Variants in TRERF1 observed in about 807,000 individuals in gnomAD.
TRERF1 encodes the protein transcriptional-regulating factor 1.
TRERF1 carries 27 observed loss-of-function variants against 122.9 expected under a neutral mutation model. The observed-to-expected ratio is 0.22, with a 90% CI of 0.16 to 0.30. The LOEUF (loss-of-function observed/expected upper bound fraction) is 0.30, where lower values mean the gene tolerates loss of function less well. TRERF1 is among the 10% of genes least tolerant of loss of function. TRERF1 has a pLI of 1.00. For synonymous variants in TRERF1, 636 were observed against 641.7 expected (o/e 0.99, Z 0.13); for missense variants, 1,248 against 1,560.3 (o/e 0.80, Z 3.37).
At position 42,408,356 on chromosome 6, in the gene TRERF1, T is replaced by C. The variant is rs1161420746; in HGVS notation, c.-454+42821A>G. ...ATATACATACACGTGTGTGTGTGTGTATATATATATATATATCTTTTTTTT... is the reference window on the plus strand; with the variant it reads ...ATATACATACACGTGTGTGTGTGTGCATATATATATATATATCTTTTTTTT... On this transcript the variant is annotated intron_variant, in intron 2 of 17. Transcript: ENST00000372922. Among the ~76,000 whole-genome samples, 16 of 77,160 alleles carry C rather than the reference T, an allele frequency of 2.1e-4. 1 individual carries two copies. In the Admixed American group the frequency reaches 2.8e-3, roughly 14 times the overall value. 50.6% of individuals were successfully genotyped at this position (77,160 alleles called of 152,430 possible). A position where few individuals can be genotyped will look rare whatever the true frequency, so the allele number is the denominator to read the frequency against.
intron 3 of TRERF1, among the ~76,000 whole-genome samples, chr6:42,302,536 T>G (rs1240743287): frequency 6.6e-6 from 1 of 152,256 alleles, no homozygotes; most frequent in Non-Finnish European, 1.5e-5. Context: ...AAATGTTAAA[T>G]CATCTGCAAT....
At chr6:42,258,231 C>T in intron 9 of TRERF1, 30 bp from the exon 10 acceptor site, 2 of 1,608,364 alleles carry the variant, frequency 1.2e-6, no homozygotes, top group Non-Finnish European at 1.7e-6. Context: ...GGTCACTAGT[C>T]AACAGGGAAG....
At chr6:42,247,749 C>T (rs1413783614) in intron 13 of TRERF1, among the ~76,000 whole-genome samples, 2 of 152,156 alleles carry the variant, frequency 1.3e-5, no homozygotes, top group Admixed American at 1.3e-4. Flanking sequence ...AAGGGGACTC[C>T]TATTTCTGGA....
intron 2 of TRERF1, among the ~76,000 whole-genome samples, chr6:42,448,362 G>T (rs750543458): frequency 3.3e-4 from 50 of 152,202 alleles, no homozygotes; most frequent in Non-Finnish European, 5.4e-4. Flanking sequence ...TGTACATGCT[G>T]CACTCTCTGT....
chr6:42,392,878 A>C (rs1476100805), intron 2 of TRERF1, among the ~76,000 whole-genome samples: 2 of 151,906 alleles, frequency 1.3e-5, no homozygotes, highest in Non-Finnish European at 2.9e-5. Context: ...AGTCCTGAGA[A>C]ACGCTGGTAA....
At chr6:42,243,178 G>T in intron 15 of TRERF1, 70 bp downstream of exon 15, 1 of 1,326,626 alleles carries the variant, frequency 7.5e-7, no homozygotes, top group South Asian at 1.2e-5. Flanking sequence ...CCAAACACCA[G>T]CTACTTACTA....
In TRERF1 at chr6:42,263,043, TC is replaced by T. The variant is rs1424817262; in HGVS notation, c.1884+276del. Among the ~76,000 whole-genome samples the T allele has an allele frequency of 6.6e-6, 1 of 152,224 alleles. No individual in the cohort carries two copies. Among genetic ancestry groups the T allele is most frequent in the African/African-American group, 2.4e-5 (1 of 41,454 alleles). On this transcript the variant is annotated intron_variant, in intron 8 of 17. Transcript: ENST00000372922. This position sits in a 1 kb window ranked among gnomAD's most constrained non-coding sequence, Gnocchi z 5.6. ...TCTCTGTTTAAACCTGGGAACACTT[TC>T]GGGTCTCTCAGAATCTAACCTAGGC... is the stretch of plus-strand genomic sequence containing the variant.
At chr6:42,400,339 C>T (rs1779208212) in intron 2 of TRERF1, among the ~76,000 whole-genome samples, 1 of 152,192 alleles carries the variant, frequency 6.6e-6, no homozygotes, top group Non-Finnish European at 1.5e-5. Flanking sequence ...CATGCAAACA[C>T]ATGCCAAGAA....
chr6:42,385,467 G>GA (rs1024799128), intron 2 of TRERF1, among the ~76,000 whole-genome samples: 3 of 152,188 alleles, frequency 2.0e-5, no homozygotes, highest in African/African-American at 7.2e-5. Flanking sequence ...CAGGCAGGCA[G>GA]AACCCTTTAG....
chr6:42,389,891 GT>G, intron 2 of TRERF1, among the ~76,000 whole-genome samples: 1 of 152,334 alleles, frequency 6.6e-6, no homozygotes, highest in Middle Eastern at 3.4e-3. Context: ...TGAGAAGCTA[GT>G]TGTCTAAAGG....
chr6:42,410,607 T>C (rs1249282664), intron 2 of TRERF1, among the ~76,000 whole-genome samples: 1 of 152,182 alleles, frequency 6.6e-6, no homozygotes, highest in African/African-American at 2.4e-5. Context: ...CTCGCCTTTC[T>C]GAAGTAGAGT....
chr6:42,268,967 A>AGGCTGCTGGGGC lies in TRERF1; in HGVS notation c.612_623dup (p.Pro205_Pro208dup). 1 of 1,611,624 alleles carries AGGCTGCTGGGGC rather than the reference A, an allele frequency of 6.2e-7. No individual in the cohort carries two copies. Among genetic ancestry groups the AGGCTGCTGGGGC allele is most frequent in the Non-Finnish European group, 8.5e-7 (1 of 1,178,290 alleles). On this transcript the variant is annotated inframe_insertion, in exon 5 of 18. Transcript: ENST00000372922. This position sits in a 1 kb window ranked among gnomAD's most constrained non-coding sequence, Gnocchi z 4.4. ...ACAGCCCACCAGTGAAACCAGGGTG[A>AGGCTGCTGGGGC]GGCTGCTGGGGCACCTGCTGGTAGC...
In TRERF1 at chr6:42,393,491, A is replaced by T. The variant is rs529364489; in HGVS notation, c.-453-30412T>A. Among the ~76,000 whole-genome samples, 1 of 152,336 alleles carries T rather than the reference A, an allele frequency of 6.6e-6. No individual in the cohort carries two copies. Among genetic ancestry groups the T allele is most frequent in the Admixed American group, 6.5e-5 (1 of 15,302 alleles). On this transcript the variant is annotated intron_variant, in intron 2 of 17. Transcript: ENST00000372922. This position sits in a 1 kb window ranked among gnomAD's most constrained non-coding sequence, Gnocchi z 4.1. Reference sequence around the variant, plus strand: ...AACAGAGATTCAGGAGAGGTACAGCACTTAAGCAGATGGTGAATTCCCTGC... The same window carrying T: ...AACAGAGATTCAGGAGAGGTACAGCTCTTAAGCAGATGGTGAATTCCCTGC...
intron 2 of TRERF1, among the ~76,000 whole-genome samples, chr6:42,433,485 G>A (rs1403297981): frequency 6.6e-6 from 1 of 151,922 alleles, no homozygotes; most frequent in Non-Finnish European, 1.5e-5. Flanking sequence ...ACAGTGGCAA[G>A]CAGATGAAAC....
At chr6:42,376,650 C>A (rs2151094994) in intron 2 of TRERF1, among the ~76,000 whole-genome samples, 1 of 142,552 alleles carries the variant, frequency 7.0e-6, no homozygotes, top group South Asian at 2.2e-4. Context: ...TCAAGCGATT[C>A]TCCTTTCTCA....
intron 3 of TRERF1, among the ~76,000 whole-genome samples, chr6:42,331,629 C>T (rs147976971): frequency 3.6e-4 from 55 of 152,274 alleles, no homozygotes; most frequent in African/African-American, 1.1e-3. Flanking sequence ...GATCCCTAAG[C>T]GGGGAAGAGG....
intron 15 of TRERF1, among the ~76,000 whole-genome samples, chr6:42,240,132 ACTC>A (rs1228104538): frequency 1.3e-5 from 2 of 151,926 alleles, no homozygotes; most frequent in Non-Finnish European, 2.9e-5. Context: ...TGTTAGTGTC[ACTC>A]CTCTGCTCAG....
chr6:42,304,581 A>G (rs1368020934), intron 3 of TRERF1, among the ~76,000 whole-genome samples: 1 of 152,174 alleles, frequency 6.6e-6, no homozygotes, highest in Non-Finnish European at 1.5e-5. Flanking sequence ...AGAGTCAGCT[A>G]TTGCTGACCA....
At chr6:42,304,806 A>C (rs893228584) in intron 3 of TRERF1, among the ~76,000 whole-genome samples, 4 of 152,208 alleles carry the variant, frequency 2.6e-5, no homozygotes, top group Non-Finnish European at 5.9e-5. Flanking sequence ...CCGTGTACAG[A>C]AAGGCCTACC....
Sources: gnomAD v4.1 joint callset for allele counts (sites outside exome capture counted in the v4.1 genomes callset) on GRCh38, gnomAD v4.1.1 for gene constraint, Gnocchi (gnomAD v3.1) non-coding constraint, MANE v1.5 for transcripts, NCBI Gene and HGNC (gene_info 2026-07-23, HGNC 2026-07-21) for gene names.